ATP5F1A: variants seen among roughly 807,000 people sequenced by gnomAD.
ATP5F1A encodes ATP synthase F1 subunit alpha.
A neutral mutation model predicts 57.4 loss-of-function variants in ATP5F1A; 24 were observed. That is an observed-to-expected ratio of 0.42 (90% CI 0.30 to 0.59). ATP5F1A has a LOEUF of 0.59. Ranked by LOEUF, ATP5F1A falls within the 20% of genes least tolerant of loss-of-function variation. The probability of loss-of-function intolerance (pLI) is 0.19; values close to 1 mark genes in which losing one functional copy is unlikely to be tolerated. For missense variants in ATP5F1A, 494 were observed against 707.9 expected, an observed-to-expected ratio of 0.70 and a Z score of 3.43; for synonymous variants, 251 against 255.5, an observed-to-expected ratio of 0.98 and a Z score of 0.17.
At chr18:46,099,769 C>T (rs1369245814), upstream of ATP5F1A, among the ~76,000 whole-genome samples, 1 of 152,166 alleles carries the variant, frequency 6.6e-6, no homozygotes, top group African/African-American at 2.4e-5. Flanking sequence ...GTTCCATCCC[C>T]CAAATCCTGG....
rs752722033 is a variant in ATP5F1A at position 46,091,679 on chromosome 18, T to C, written c.309+3A>G. 25 of 1,571,948 alleles carry C rather than the reference T, an allele frequency of 1.6e-5. No individual in the cohort carries two copies. In the South Asian group the frequency reaches 2.9e-4, roughly 18 times the overall value. ...AACACCAAAATCTTATTTTATAATTTACCTTTAAGCCTGAAGAAAACTCTA... is the reference window on the plus strand; with the variant it reads ...AACACCAAAATCTTATTTTATAATTCACCTTTAAGCCTGAAGAAAACTCTA... On this transcript the variant is annotated splice_donor_region_variant and intron_variant, in intron 3 of 11. Transcript: ENST00000398752.
At chr18:46,095,294 A>G (rs1910859858) in intron 1 of ATP5F1A, 163 bp from the exon 2 acceptor site, 1 of 637,878 alleles carries the variant, frequency 1.6e-6, no homozygotes, top group Non-Finnish European at 2.7e-6. Flanking sequence ...AGCTTTTGAT[A>G]TATGTGAAAA....
At chr18:46,088,332 C>T in intron 5 of ATP5F1A, 75 bp from the exon 6 acceptor site, 1 of 1,323,522 alleles carries the variant, frequency 7.6e-7, no homozygotes, top group Non-Finnish European at 1.0e-6. Flanking sequence ...AAAGAGAGAT[C>T]AGACTGTTAC....
chr18:46,087,450 T>A lies in ATP5F1A; in HGVS notation c.842A>T (p.Asp281Val), dbSNP rs1910193832. ...AGCCAGGTACTGAAGTGGGGCAGCATCCGAGGCCGTAGCCGACACCACAAT... is the reference window on the plus strand; with the variant it reads ...AGCCAGGTACTGAAGTGGGGCAGCAACCGAGGCCGTAGCCGACACCACAAT... ...YTIVVSATAS[D>V]AAPLQYLAPY... The change falls in exon 7 of 12, where the codon GAT becomes GTT. Residue 281 changes from aspartate (D) to valine (V), a missense_variant. Physicochemically the swap from Asp to Val is radical, Grantham distance 152. Around this residue, in one of 6 missense-constraint regions of ATP5F1A, gnomAD observed 191 missense variants for 267.7 expected, o/e 0.71. Transcript: ENST00000398752. 2.5e-6 allele frequency: 4 copies of A among 1,614,214 alleles called. No homozygotes were observed. The East Asian group carries it at 8.9e-5, about 36-fold the overall frequency.
chr18:46,084,570 G>A lies in ATP5F1A; in HGVS notation c.1514C>T (p.Thr505Ile). The A allele has an allele frequency of 6.2e-7, 1 of 1,613,032 alleles. No individual in the cohort carries two copies. Among genetic ancestry groups the A allele is most frequent in the Non-Finnish European group, 8.5e-7 (1 of 1,179,784 alleles). Reference sequence around the variant, plus strand: ...AGACAAGAAAGCATTCTCAAACTTTGTAATCTTGCTGGGCTCCAGTTTATC... The same window carrying A: ...AGACAAGAAAGCATTCTCAAACTTTATAATCTTGCTGGGCTCCAGTTTATC... ...YLDKLEPSKI[T>I]KFENAFLSHV... is the part of the protein sequence containing the mutation. The change falls in exon 11 of 12, where the codon ACA becomes ATA. Residue 505 changes from threonine (T) to isoleucine (I), a missense_variant. By Grantham distance (89) the Thr-to-Ile change is moderately conservative (BLOSUM62 -1). This residue lies in a region of ATP5F1A where 127 missense variants were observed against 195.2 expected (regional missense o/e 0.65). Coordinates refer to ENST00000398752, the MANE Select transcript of ATP5F1A (RefSeq NM_004046.6).
At chr18:46,087,568 C>T (rs766238390) in intron 6 of ATP5F1A, 76 bp from the exon 7 acceptor site, 309 of 1,504,220 alleles carry the variant, frequency 2.1e-4, no homozygotes, top group Non-Finnish European at 1.7e-4. Context: ...TACCTAAGTG[C>T]TAAAAATATT....
rs137860131 is a variant in ATP5F1A at position 46,087,606 on chromosome 18, G to A, written c.800-114C>T. On this transcript the variant is annotated intron_variant, in intron 6 of 11. Coordinates refer to ENST00000398752, the MANE Select transcript of ATP5F1A (RefSeq NM_004046.6). Reference sequence around the variant, plus strand: ...CCATTAAGAGTTAATCAGGCCAGGCGCAGTGGCTCATGCCTGTAATCCCAG... The same window carrying A: ...CCATTAAGAGTTAATCAGGCCAGGCACAGTGGCTCATGCCTGTAATCCCAG... The A allele has an allele frequency of 0.019, 24,206 of 1,251,270 alleles. 273 individuals are homozygous for A. Among genetic ancestry groups the A allele is most frequent in the Non-Finnish European group, 0.023 (20,717 of 901,550 alleles). The allele number at this position is 1,251,270 out of a possible 1,614,324, so 77.5% of individuals were successfully genotyped here.
intron 6 of ATP5F1A, 94 bp downstream of exon 6, chr18:46,088,015 A>T: frequency 7.2e-7 from 1 of 1,390,108 alleles, no homozygotes; most frequent in Non-Finnish European, 9.9e-7. Flanking sequence ...ATTAGGAAGT[A>T]ATTAAAATAT....
At position 46,083,568 on chromosome 18, in the gene ATP5F1A, T is replaced by C. The variant is rs1909881041; in HGVS notation, c.*714A>G. 1 of 152,276 alleles carries C rather than the reference T, an allele frequency of 6.6e-6. No individual in the cohort carries two copies. The highest frequency in any genetic ancestry group is 2.4e-5 in the African/African-American group (1 of 41,464). 9.4% of individuals were successfully genotyped at this position (152,276 alleles called of 1,614,324 possible). On this transcript the variant is annotated 3_prime_UTR_variant, in exon 12 of 12. Coordinates refer to ENST00000398752, the MANE Select transcript of ATP5F1A (RefSeq NM_004046.6). Reference sequence around the variant, plus strand: ...TGTCCTATTATTTTCCTGCCTACAGTACCTCTTTATGCAGGTACATCCTCT... The same window carrying C: ...TGTCCTATTATTTTCCTGCCTACAGCACCTCTTTATGCAGGTACATCCTCT...
At chr18:46,097,874 C>A in intron 1 of ATP5F1A, 1 of 1,208,356 alleles carries the variant, frequency 8.3e-7, no homozygotes, top group Non-Finnish European at 1.0e-6. Flanking sequence ...CGCCCAAGCC[C>A]TGACCTTCAC....
Position 46,091,619 on chromosome 18 carries a change from C to T in ATP5F1A, c.309+63G>A, listed in dbSNP as rs935791185. On this transcript the variant is annotated intron_variant, in intron 3 of 11. Coordinates refer to ENST00000398752, the MANE Select transcript of ATP5F1A (RefSeq NM_004046.6). ...TAAAAATCTGATACAATCTTTGAAT[C>T]GCTAAATGAATAACTGAGAAGACTT... is the stretch of plus-strand genomic sequence containing the variant. 1.8e-5 allele frequency: 26 copies of T among 1,447,558 alleles called. No homozygotes were observed. In the South Asian group the frequency reaches 2.5e-4, roughly 14 times the overall value. 89.7% of individuals were successfully genotyped at this position (1,447,558 alleles called of 1,614,324 possible).
rs1359569012 is a variant in ATP5F1A, at chr18:46,083,958, C to T, written c.*324G>A. ...CGACAGGGTGCCACTGCACTCCAGC[C>T]TCAGTGACAGAGTGAGAATCAGTCT... On this transcript the variant is annotated 3_prime_UTR_variant, in exon 12 of 12. Transcript: ENST00000398752. The T allele has an allele frequency of 5.8e-6, 1 of 171,294 alleles. No individual in the cohort carries two copies. The highest frequency in any genetic ancestry group is 2.5e-5 in the African/African-American group (1 of 39,250). 10.6% of individuals were successfully genotyped at this position (171,294 alleles called of 1,614,324 possible).
At chr18:46,101,274 AAAC>A (rs564165685), upstream of ATP5F1A, among the ~76,000 whole-genome samples, 138 of 151,822 alleles carry the variant, frequency 9.1e-4, 1 homozygote, top group South Asian at 0.027. Flanking sequence ...TCGTTTCTAA[AAAC>A]AACAAGGCCG....
At chr18:46,095,253 G>A (rs894704067) in intron 1 of ATP5F1A, 122 bp from the exon 2 acceptor site, 10 of 882,110 alleles carry the variant, frequency 1.1e-5, no homozygotes, top group Non-Finnish European at 1.7e-5. Context: ...TACATATAAA[G>A]CATTTTGTTT....
chr18:46,097,136 G>A (rs774411600), intron 1 of ATP5F1A, among the ~76,000 whole-genome samples: 12 of 151,910 alleles, frequency 7.9e-5, no homozygotes, highest in Admixed American at 5.9e-4. Context: ...CCTTCAAGTT[G>A]TAATACTGCG....
chr18:46,085,715 C>T lies in ATP5F1A; in HGVS notation c.1429+398G>A, dbSNP rs112330363. 1,061 of 170,836 alleles carry T rather than the reference C, an allele frequency of 6.2e-3. 24 individuals are homozygous for T. Among genetic ancestry groups the T allele is most frequent in the Admixed American group, 0.036 (642 of 17,650 alleles). 10.6% of individuals were successfully genotyped at this position (170,836 alleles called of 1,614,324 possible). On this transcript the variant is annotated intron_variant, in intron 10 of 11. Transcript: ENST00000398752. Reference sequence around the variant, plus strand: ...GGGAGGCTGAGGCAGGGTGGATTACCTGAGGTCAGGAGTTCGAGACCAGCC... The same window carrying T: ...GGGAGGCTGAGGCAGGGTGGATTACTTGAGGTCAGGAGTTCGAGACCAGCC...
At chr18:46,098,479 G>C (rs1310691249), upstream of ATP5F1A, 4 of 1,233,086 alleles carry the variant, frequency 3.2e-6, no homozygotes, top group Non-Finnish European at 4.2e-6. Flanking sequence ...TTCCGGCTTT[G>C]GTCCTGGCAT....
At position 46,091,833 on chromosome 18, in the gene ATP5F1A, G is replaced by C; in HGVS notation, c.158C>G (p.Ser53Cys). Residue 53 changes from serine to cysteine, a missense_variant, in exon 3 of 12, where the codon TCT becomes TGT. Physicochemically the swap from Ser to Cys is moderately radical, Grantham distance 112. Around this residue, in one of 6 missense-constraint regions of ATP5F1A, gnomAD observed 142 missense variants for 137.5 expected, o/e 1.03. Transcript: ENST00000398752. Reference sequence around the variant, plus strand: ...TCCAAGAATACGCTCTTCAAGAATAGAGGACATCTCAGCAGTCCCTATGGA... The same window carrying C: ...TCCAAGAATACGCTCTTCAAGAATACAGGACATCTCAGCAGTCCCTATGGA... ...LQKTGTAEMS[S>C]ILEERILGAD... The C allele has an allele frequency of 6.2e-7, 1 of 1,613,014 alleles. No individual in the cohort carries two copies. Among genetic ancestry groups the C allele is most frequent in the Non-Finnish European group, 8.5e-7 (1 of 1,179,782 alleles).
Position 46,084,137 on chromosome 18 carries a change from A to T in ATP5F1A, c.*145T>A. ...GGTTTTAAAGAATAACACAAATGAC[A>T]GAAAACAACTATGCATTATGGAACC... On this transcript the variant is annotated 3_prime_UTR_variant, in exon 12 of 12. Coordinates refer to ENST00000398752, the MANE Select transcript of ATP5F1A (RefSeq NM_004046.6). 1 of 620,932 alleles carries T rather than the reference A, an allele frequency of 1.6e-6. No homozygotes were observed. The highest frequency in any genetic ancestry group is 2.6e-6 in the Non-Finnish European group (1 of 384,506). 38.5% of individuals were successfully genotyped at this position (620,932 alleles called of 1,614,324 possible).
Sources: gnomAD v4.1 joint callset for allele counts (sites outside exome capture counted in the v4.1 genomes callset) on GRCh38, gnomAD v4.1.1 for gene constraint, gnomAD v4.1.1 regional missense constraint, MANE v1.5 for transcripts, NCBI Gene and HGNC (gene_info 2026-07-23, HGNC 2026-07-21) for gene names.